The following PTPRD variants were observed in gnomAD, a reference collection of about 807,000 sequenced individuals.
PTPRD encodes protein tyrosine phosphatase receptor type D.
In PTPRD, 34 loss-of-function variants were observed where a neutral mutation model predicts 214.5. The observed-to-expected ratio is 0.16, with a 90% CI of 0.12 to 0.21. PTPRD has a LOEUF of 0.21. Ranked by LOEUF, PTPRD falls within the 10% of genes least tolerant of loss-of-function variation. The pLI, the probability that PTPRD is intolerant of heterozygous loss-of-function variation, is 1.00. For synonymous variants in PTPRD, 1,128 were observed against 845.7 expected, an observed-to-expected ratio of 1.33 and a Z score of -5.79; for missense variants, 2,545 against 2,398.7, an observed-to-expected ratio of 1.06 and a Z score of -1.27.
chr9:10,326,368 T>C (rs1410670891), intron 3 of PTPRD, among the ~76,000 whole-genome samples: 1 of 151,810 alleles, frequency 6.6e-6, no homozygotes, highest in Non-Finnish European at 1.5e-5. Context: ...ATATTCTTTG[T>C]GTGAATACAT....
intron 4 of PTPRD, among the ~76,000 whole-genome samples, chr9:10,027,347 A>G (rs888623081): frequency 7.9e-5 from 12 of 152,208 alleles, no homozygotes; most frequent in African/African-American, 2.9e-4. Context: ...GAAAAGAGGT[A>G]GACAGAATTT....
intron 11 of PTPRD, among the ~76,000 whole-genome samples, chr9:8,953,242 C>T (rs1011429779): frequency 6.6e-6 from 1 of 151,712 alleles, no homozygotes. Flanking sequence ...GTCGCTACAG[C>T]TGAGAAATGA....
chr9:9,922,128 C>T (rs968039477), intron 5 of PTPRD, among the ~76,000 whole-genome samples: 1 of 152,088 alleles, frequency 6.6e-6, no homozygotes, highest in Non-Finnish European at 1.5e-5. Context: ...CTCAGAGAAG[C>T]TGTGAGCAAC....
intron 3 of PTPRD, among the ~76,000 whole-genome samples, chr9:10,316,142 T>C (rs1414950226): frequency 2.8e-5 from 4 of 144,442 alleles, no homozygotes; most frequent in Non-Finnish European, 6.0e-5. Context: ...TATATACACA[T>C]ACATATGTAT....
chr9:9,970,706 C>T (rs376056788), intron 4 of PTPRD, among the ~76,000 whole-genome samples: 19 of 152,072 alleles, frequency 1.2e-4, no homozygotes, highest in African/African-American at 4.6e-4. Flanking sequence ...CGCTGGTTGA[C>T]CGAATAGAGT....
chr9:9,553,560 T>C (rs1017552606), intron 8 of PTPRD, among the ~76,000 whole-genome samples: 20 of 152,174 alleles, frequency 1.3e-4, no homozygotes, highest in African/African-American at 4.1e-4. Context: ...TCATGCTCTT[T>C]CTACAGTGTT....
chr9:9,062,086 C>G (rs1310934448), intron 10 of PTPRD, among the ~76,000 whole-genome samples: 1 of 152,186 alleles, frequency 6.6e-6, no homozygotes, highest in Non-Finnish European at 1.5e-5. Context: ...CTTATGCTCT[C>G]ATCCCCTCAT....
intron 9 of PTPRD, among the ~76,000 whole-genome samples, chr9:9,244,858 A>G (rs905432376): frequency 1.3e-5 from 2 of 152,158 alleles, no homozygotes; most frequent in Admixed American, 6.5e-5. Flanking sequence ...CAACCTACAG[A>G]ATGGGAGAAA....
chr9:9,584,224 T>C (rs561471581), intron 7 of PTPRD, among the ~76,000 whole-genome samples: 204 of 152,030 alleles, frequency 1.3e-3, no homozygotes, highest in African/African-American at 4.6e-3. Context: ...TGAAGTGCCC[T>C]GCAACCTCTG....
chr9:10,094,274 G>T (rs2098461547), intron 3 of PTPRD, among the ~76,000 whole-genome samples: 1 of 150,718 alleles, frequency 6.6e-6, no homozygotes, highest in Non-Finnish European at 1.5e-5. Flanking sequence ...ACCCCTAAGA[G>T]ACCTATTATG....
chr9:8,414,688 G>A (rs1354464974), intron 35 of PTPRD, among the ~76,000 whole-genome samples: 1 of 151,912 alleles, frequency 6.6e-6, no homozygotes, highest in Admixed American at 6.6e-5. Context: ...TTATTAATAG[G>A]ACCCTTTCTC....
chr9:9,559,848 G>A (rs1015444938), intron 8 of PTPRD, among the ~76,000 whole-genome samples: 12 of 152,240 alleles, frequency 7.9e-5, no homozygotes, highest in Admixed American at 3.9e-4. Context: ...AGACATAAGC[G>A]GTGCATAAGT....
In PTPRD at chr9:9,405,225, A is replaced by G. The variant is rs1188127757; in HGVS notation, c.-236-7743T>C. Among the ~76,000 whole-genome samples, 5 of 152,222 alleles carry G rather than the reference A, an allele frequency of 3.3e-5. No homozygotes were observed. The East Asian group carries it at 9.7e-4, about 29-fold the overall frequency. On this transcript the variant is annotated intron_variant, in intron 8 of 45. Transcript: ENST00000381196. ...GCATTTTGGGAAAAGCAGATACAACAAATTTACAATGTAGTTGCAGCTTAA... is the reference window on the plus strand; with the variant it reads ...GCATTTTGGGAAAAGCAGATACAACGAATTTACAATGTAGTTGCAGCTTAA...
chr9:8,496,526 T>G (rs1490343091), intron 26 of PTPRD, among the ~76,000 whole-genome samples: 2 of 151,788 alleles, frequency 1.3e-5, no homozygotes, highest in African/African-American at 4.8e-5. Context: ...TAACATAGAG[T>G]TTTCATTCAA....
At chr9:9,133,984 T>C (rs2099846839) in intron 10 of PTPRD, among the ~76,000 whole-genome samples, 1 of 151,646 alleles carries the variant, frequency 6.6e-6, no homozygotes, top group Non-Finnish European at 1.5e-5. Flanking sequence ...TTCCACACCT[T>C]ACCTCCATCC....
intron 39 of PTPRD, among the ~76,000 whole-genome samples, chr9:8,350,640 A>G (rs941331215): frequency 3.3e-5 from 5 of 152,158 alleles, no homozygotes; most frequent in Admixed American, 6.6e-5. Flanking sequence ...CATCTCTACG[A>G]TATTTGGGGT....
intron 21 of PTPRD, among the ~76,000 whole-genome samples, chr9:8,517,076 G>C (rs1340574256): frequency 1.3e-5 from 2 of 152,004 alleles, no homozygotes; most frequent in East Asian, 3.9e-4. Flanking sequence ...AAAGTGTTGG[G>C]ATTACAGGCG....
intron 2 of PTPRD, among the ~76,000 whole-genome samples, chr9:10,446,391 T>C (rs1372281946): frequency 1.3e-5 from 2 of 150,736 alleles, no homozygotes; most frequent in South Asian, 2.1e-4. Flanking sequence ...TGGTTTGGCT[T>C]AACTTTTTAT....
chr9:9,236,426 TTA>T (rs2099966776), intron 9 of PTPRD, among the ~76,000 whole-genome samples: 2 of 151,898 alleles, frequency 1.3e-5, no homozygotes, highest in Admixed American at 1.3e-4. Context: ...AGAAATTAGA[TTA>T]GAAACAAAGT....
Sources: allele counts gnomAD v4.1 joint callset (sites outside exome capture counted in the v4.1 genomes callset), GRCh38; gene constraint gnomAD v4.1.1; transcripts MANE v1.5; gene names NCBI Gene and HGNC (gene_info 2026-07-23, HGNC 2026-07-21).